NFATC1: variants seen among roughly 807,000 people sequenced by gnomAD.
NFATC1 encodes the protein nuclear factor of activated T-cells, cytoplasmic 1.
In NFATC1, 22 loss-of-function variants were observed where a neutral mutation model predicts 76.0. That is an observed-to-expected ratio of 0.29 (90% CI 0.21 to 0.41). NFATC1 has a LOEUF of 0.41. Among genes scored for constraint, NFATC1 ranks in the 10% least tolerant of loss-of-function variants. NFATC1 has a pLI of 1.00. For missense variants in NFATC1, 1,357 were observed against 1,337.7 expected (o/e 1.01, Z -0.23); for synonymous variants, 704 against 613.1 (o/e 1.15, Z -2.19).
intron 1 of NFATC1, among the ~76,000 whole-genome samples, chr18:79,403,306 T>C (rs1197584479): frequency 3.3e-5 from 5 of 152,260 alleles, no homozygotes; most frequent in African/African-American, 1.2e-4. Flanking sequence ...GAATAGATAT[T>C]CAGTAACCAT....
At chr18:79,483,493 C>T (rs1447085128) in intron 8 of NFATC1, among the ~76,000 whole-genome samples, 1 of 133,620 alleles carries the variant, frequency 7.5e-6, no homozygotes, top group African/African-American at 3.0e-5. Flanking sequence ...CCGGCGTGAC[C>T]TGGTTCCTGG....
chr18:79,420,204 T>C (rs552739593), intron 2 of NFATC1, among the ~76,000 whole-genome samples: 1 of 151,302 alleles, frequency 6.6e-6, no homozygotes, highest in East Asian at 1.9e-4. Flanking sequence ...GCGACGTCGC[T>C]GCAGAGAGGA....
In NFATC1 at chr18:79,465,908, T is replaced by C. The variant is rs551732537; in HGVS notation, c.1960-1542T>C. On this transcript the variant is annotated intron_variant, in intron 7 of 9. Coordinates refer to ENST00000427363, the MANE Select transcript of NFATC1 (RefSeq NM_001278669.2). The surrounding 1 kb of genome is among the most constrained non-coding windows in gnomAD (Gnocchi z 4.2). Reference sequence around the variant, plus strand: ...AGGCCCCGCCCACTGACAGCACTCATGGCCCCTCCGGCGGCAGCTTCAGCT... The same window carrying C: ...AGGCCCCGCCCACTGACAGCACTCACGGCCCCTCCGGCGGCAGCTTCAGCT... Among the ~76,000 whole-genome samples, 4 of 152,260 alleles carry C rather than the reference T, an allele frequency of 2.6e-5. No individual in the cohort carries two copies. The highest frequency in any genetic ancestry group is 4.8e-5 in the African/African-American group (2 of 41,482).
At chr18:79,475,356 G>T (rs1045404638) in intron 8 of NFATC1, among the ~76,000 whole-genome samples, 4 of 144,550 alleles carry the variant, frequency 2.8e-5, no homozygotes, top group African/African-American at 1.0e-4. Flanking sequence ...TGAGGGAAGG[G>T]TGTTTTCACG....
At chr18:79,467,998 C>G (rs2088605716) in intron 8 of NFATC1, 5 of 1,006,876 alleles carry the variant, frequency 5.0e-6, no homozygotes, top group Non-Finnish European at 5.9e-6. Context: ...GCTTTTAAGC[C>G]TGTAGTCCTG....
At chr18:79,520,524 C>G (rs1318717385) in intron 9 of NFATC1, among the ~76,000 whole-genome samples, 2 of 134,924 alleles carry the variant, frequency 1.5e-5, no homozygotes, top group African/African-American at 2.6e-5. Flanking sequence ...GCAGAAGACT[C>G]TGTGTGTGGG....
At chr18:79,427,385 CAGTGGGTTGGGGGGA>C (rs2086380581) in intron 2 of NFATC1, among the ~76,000 whole-genome samples, 1 of 85,882 alleles carries the variant, frequency 1.2e-5, no homozygotes, top group African/African-American at 8.0e-5. Flanking sequence ...GGCCTCTGTG[CAGTGGGTTGGGGGGA>C]GCTGGATGGC....
chr18:79,510,239 C>T (rs1446253911), intron 9 of NFATC1, among the ~76,000 whole-genome samples: 1 of 152,110 alleles, frequency 6.6e-6, no homozygotes, highest in African/African-American at 2.4e-5. Context: ...GGGTCATGCC[C>T]CCGTGCGGAA....
chr18:79,450,254 A>G (rs2087406177), intron 4 of NFATC1, among the ~76,000 whole-genome samples: 1 of 152,172 alleles, frequency 6.6e-6, no homozygotes, highest in South Asian at 2.1e-4. Flanking sequence ...TTGAGAATGT[A>G]TACATGGAAT....
chr18:79,407,047 C>T (rs1026551624), intron 1 of NFATC1, among the ~76,000 whole-genome samples: 1 of 152,148 alleles, frequency 6.6e-6, no homozygotes, highest in South Asian at 2.1e-4. Context: ...CCAGGCGGAG[C>T]TCTCAGAGGG....
intron 1 of NFATC1, chr18:79,400,542 C>G: frequency 9.4e-6 from 12 of 1,280,268 alleles, no homozygotes; most frequent in Non-Finnish European, 1.2e-5. Context: ...GGCGCCCAGG[C>G]CCCCTCCGCG....
At chr18:79,520,530 G>GT (rs1569052144) in intron 9 of NFATC1, among the ~76,000 whole-genome samples, 2 of 150,014 alleles carry the variant, frequency 1.3e-5, no homozygotes, top group African/African-American at 5.0e-5. Flanking sequence ...GACTCTGTGT[G>GT]TGGGGGGGGG....
intron 9 of NFATC1, among the ~76,000 whole-genome samples, chr18:79,513,020 G>A (rs1271909350): frequency 6.6e-6 from 1 of 152,256 alleles, no homozygotes; most frequent in East Asian, 1.9e-4. Flanking sequence ...AATTTCGCTA[G>A]AGACGCAGGG....
chr18:79,396,644 G>A (rs2148112306), intron 1 of NFATC1, among the ~76,000 whole-genome samples: 1 of 152,320 alleles, frequency 6.6e-6, no homozygotes, highest in Admixed American at 6.5e-5. Context: ...GCAGGCCGGC[G>A]ATTTGGGGAC....
At chr18:79,518,354 G>C (rs938674641) in intron 9 of NFATC1, among the ~76,000 whole-genome samples, 5 of 152,262 alleles carry the variant, frequency 3.3e-5, no homozygotes, top group African/African-American at 1.2e-4. Context: ...ACATGAAGGA[G>C]GGGCACACGC....
At chr18:79,521,080 G>GGA (rs2090540240) in intron 9 of NFATC1, among the ~76,000 whole-genome samples, 1 of 106,546 alleles carries the variant, frequency 9.4e-6, no homozygotes, top group Non-Finnish European at 1.9e-5. Context: ...TGTGTGTGGG[G>GGA]GCATCCGCTG....
chr18:79,461,266 C>T (rs373787731), intron 6 of NFATC1, 45 bp from the exon 7 acceptor site: 18 of 1,609,994 alleles, frequency 1.1e-5, no homozygotes, highest in Middle Eastern at 1.6e-4. Flanking sequence ...GGAGGGGGCT[C>T]CCCACCACAC....
intron 9 of NFATC1, among the ~76,000 whole-genome samples, chr18:79,499,832 A>G (rs2089977768): frequency 6.6e-6 from 1 of 152,212 alleles, no homozygotes; most frequent in South Asian, 2.1e-4. Context: ...AGCTACACTA[A>G]TATCAGACAA....
At chr18:79,446,016 A>G (rs2087192642) in intron 3 of NFATC1, among the ~76,000 whole-genome samples, 2 of 152,224 alleles carry the variant, frequency 1.3e-5, no homozygotes. Context: ...CGGCAGTGGA[A>G]TAAGAATAAT....
Sources: allele counts gnomAD v4.1 joint callset (sites outside exome capture counted in the v4.1 genomes callset), GRCh38; gene constraint gnomAD v4.1.1; non-coding constraint Gnocchi (gnomAD v3.1); transcripts MANE v1.5; gene names NCBI Gene and HGNC (gene_info 2026-07-23, HGNC 2026-07-21).